Variants in CCDC158 observed in about 807,000 individuals in gnomAD.
The protein encoded by CCDC158 is coiled-coil domain containing 158.
CCDC158 carries 116 observed loss-of-function variants against 138.6 expected under a neutral mutation model. The observed-to-expected ratio is 0.84, with a 90% CI of 0.72 to 0.98. CCDC158 has a LOEUF of 0.98. CCDC158 is among the 50% of genes least tolerant of loss of function. The pLI is 0.00. For missense variants in CCDC158, 1,265 were observed against 1,306.1 expected, an observed-to-expected ratio of 0.97 and a Z score of 0.48; for synonymous variants, 436 against 442.4, an observed-to-expected ratio of 0.99 and a Z score of 0.18.
Position 76,344,023 on chromosome 4 carries a change from GA to G in CCDC158, c.2664+6972del, listed in dbSNP as rs1722307796. On this transcript the variant is annotated intron_variant, in intron 18 of 24. Transcript: ENST00000682701. ...GGCCAGGGCAATCAGGCAAAAGAAA[GA>G]AATAAAGGATATTCAAATAGGAAGA... 5.3e-5 allele frequency among the ~76,000 whole-genome samples: 8 copies of G among 152,290 alleles called. No homozygotes were observed. The South Asian group carries it at 1.7e-3, about 32-fold the overall frequency.
intron 18 of CCDC158, chr4:76,345,054 G>A: frequency 1.5e-6 from 2 of 1,346,702 alleles, no homozygotes; most frequent in South Asian, 1.2e-5. Context: ...AACGATTCTT[G>A]TGTGAAAGCT....
intron 1 of CCDC158, among the ~76,000 whole-genome samples, chr4:76,416,005 T>C (rs1243434720): frequency 1.3e-5 from 2 of 152,346 alleles, no homozygotes; most frequent in East Asian, 3.9e-4. Context: ...GATGCTGTCC[T>C]TCAGTGGTCA....
chr4:76,369,059 C>T (rs1578995594), intron 11 of CCDC158, among the ~76,000 whole-genome samples: 2 of 152,004 alleles, frequency 1.3e-5, no homozygotes, highest in Admixed American at 6.6e-5. Context: ...ACTAAAACTA[C>T]AAAAAATTAG....
intron 18 of CCDC158, among the ~76,000 whole-genome samples, chr4:76,341,061 C>T (rs1459549723): frequency 6.6e-6 from 1 of 152,160 alleles, no homozygotes; most frequent in Admixed American, 6.5e-5. Context: ...TTTCCTATTA[C>T]ATTGTGACTC....
chr4:76,361,501 G>A (rs1249067935), intron 13 of CCDC158, among the ~76,000 whole-genome samples: 1 of 152,240 alleles, frequency 6.6e-6, no homozygotes, highest in Admixed American at 6.5e-5. Flanking sequence ...GGCGGAGCTT[G>A]CAGTGAGCTG....
intron 11 of CCDC158, among the ~76,000 whole-genome samples, chr4:76,368,000 G>T (rs925870850): frequency 2.6e-5 from 4 of 151,760 alleles, no homozygotes; most frequent in Non-Finnish European, 5.9e-5. Flanking sequence ...CAAAGTGCTG[G>T]GATTTCAGGG....
At chr4:76,403,806 C>T (rs951795125) in intron 2 of CCDC158, among the ~76,000 whole-genome samples, 1 of 152,124 alleles carries the variant, frequency 6.6e-6, no homozygotes, top group African/African-American at 2.4e-5. Flanking sequence ...CAGAGAGTAC[C>T]ACAACCTTCA....
At chr4:76,369,705 A>G in intron 10 of CCDC158, 82 bp from the exon 11 acceptor site, 1 of 1,237,784 alleles carries the variant, frequency 8.1e-7, no homozygotes, top group East Asian at 2.5e-5. Context: ...TCATATTTGG[A>G]GTTTTTATGT....
chr4:76,360,640 C>A (rs1340462239), intron 13 of CCDC158, among the ~76,000 whole-genome samples: 1 of 152,228 alleles, frequency 6.6e-6, no homozygotes, highest in East Asian at 1.9e-4. Context: ...GGGTTTCAGA[C>A]TTGCATGGGC....
At chr4:76,412,819 A>C (rs1472528161) in intron 1 of CCDC158, among the ~76,000 whole-genome samples, 1 of 152,228 alleles carries the variant, frequency 6.6e-6, no homozygotes, top group Admixed American at 6.5e-5. Flanking sequence ...GTGTTTAATT[A>C]TATGCTATTG....
chr4:76,329,893 A>T (rs1234938681), intron 21 of CCDC158, among the ~76,000 whole-genome samples: 1 of 152,260 alleles, frequency 6.6e-6, no homozygotes, highest in Admixed American at 6.5e-5. Context: ...GATTAAATGC[A>T]TAAGCAGATA....
intron 2 of CCDC158, among the ~76,000 whole-genome samples, chr4:76,410,418 C>T (rs567005880): frequency 6.6e-6 from 1 of 152,276 alleles, no homozygotes; most frequent in Admixed American, 6.5e-5. Context: ...CTCCTGGCCT[C>T]AAGTGATCCA....
chr4:76,354,619 T>C lies in CCDC158; in HGVS notation c.2286+705A>G, dbSNP rs555820183. Among the ~76,000 whole-genome samples, 5 of 152,288 alleles carry C rather than the reference T, an allele frequency of 3.3e-5. No individual in the cohort carries two copies. In the East Asian group the frequency reaches 7.7e-4, roughly 24 times the overall value. On this transcript the variant is annotated intron_variant, in intron 15 of 24. Transcript: ENST00000682701. ...AATGAGTCTCATTCATGAGAACCAC[T>C]AGGTCAAGGCAGAAAACTCAATCCA...
At chr4:76,367,898 T>C in intron 11 of CCDC158, 122 bp from the exon 12 acceptor site, 3 of 931,732 alleles carry the variant, frequency 3.2e-6, no homozygotes, top group East Asian at 2.7e-5. Context: ...TAAGATCTTT[T>C]TTTTTTTTTT....
At chr4:76,383,589 A>C in intron 7 of CCDC158, 73 bp downstream of exon 7, 1 of 1,055,602 alleles carries the variant, frequency 9.5e-7, no homozygotes. Context: ...TAGATTTTGG[A>C]ATTGTGGCCG....
chr4:76,409,258 T>C (rs887373193), intron 2 of CCDC158, among the ~76,000 whole-genome samples: 1 of 152,198 alleles, frequency 6.6e-6, no homozygotes, highest in African/African-American at 2.4e-5. Flanking sequence ...GAAATATTTT[T>C]CCTATTTTCA....
intron 9 of CCDC158, among the ~76,000 whole-genome samples, chr4:76,373,093 C>T (rs1453153458): frequency 6.6e-6 from 1 of 152,206 alleles, no homozygotes; most frequent in African/African-American, 2.4e-5. Flanking sequence ...AGGTGATCCA[C>T]CCGCCTCAGC....
At chr4:76,347,264 C>T (rs10024789) in intron 18 of CCDC158, among the ~76,000 whole-genome samples, 87,764 of 151,858 alleles carry the variant, frequency 0.58, 26,377 homozygotes, top group East Asian at 0.78. Context: ...ATAGCAAAGA[C>T]TTGGAACCAA....
At chr4:76,416,186 C>T (rs188733858) in intron 1 of CCDC158, among the ~76,000 whole-genome samples, 26 of 152,292 alleles carry the variant, frequency 1.7e-4, no homozygotes, top group Middle Eastern at 3.4e-3. Context: ...AGGGAACGGC[C>T]CCCTGTCCAG....
Sources: gnomAD v4.1 joint callset for allele counts (sites outside exome capture counted in the v4.1 genomes callset) on GRCh38, gnomAD v4.1.1 for gene constraint, MANE v1.5 for transcripts, NCBI Gene and HGNC (gene_info 2026-07-23, HGNC 2026-07-21) for gene names.